FITM2: variants seen among roughly 807,000 people sequenced by gnomAD.
FITM2 encodes the protein acyl-coenzyme A diphosphatase FITM2.
Under a neutral mutation model 23.3 loss-of-function variants are expected in FITM2, and 16 were observed. The observed-to-expected ratio is 0.69, with a 90% confidence interval of 0.47 to 1.05. FITM2 has a LOEUF of 1.05. Ranked by LOEUF, FITM2 falls within the 50% of genes least tolerant of loss-of-function variation. FITM2 has a pLI of 0.00. For synonymous variants in FITM2, 132 were observed against 142.0 expected (o/e 0.93, Z 0.50); for missense variants, 273 against 327.5 (o/e 0.83, Z 1.29).
In FITM2 at chr20:44,306,980, C is replaced by G; in HGVS notation, c.434G>C (p.Gly145Ala). The G allele has an allele frequency of 6.2e-7, 1 of 1,614,198 alleles. No individual in the cohort carries two copies. Among genetic ancestry groups the G allele is most frequent in the Non-Finnish European group, 8.5e-7 (1 of 1,180,042 alleles). The change falls in exon 2 of 2, where the codon GGC (glycine) becomes GCC (alanine). Residue 145 changes from glycine to alanine, a missense_variant. Gly to Ala is a moderately conservative substitution (Grantham distance 60). Around this residue, in one of 3 missense-constraint regions of FITM2, gnomAD observed 117 missense variants for 183.3 expected, o/e 0.64. Transcript: ENST00000396825. ...QSKQQCHQEGGFWHGFDISGH... is the reference protein window; with the variant it reads ...QSKQQCHQEGAFWHGFDISGH... ...TGAGATGTCAAAGCCATGCCAAAAG[C>G]CCCCTTCCTGGTGGCACTGCTGCTT...
At chr20:44,309,922 G>C (rs2062700431) in intron 1 of FITM2, among the ~76,000 whole-genome samples, 1 of 152,190 alleles carries the variant, frequency 6.6e-6, no homozygotes, top group African/African-American at 2.4e-5. Flanking sequence ...TCTATTCTTA[G>C]CCCAGCCTCT....
intron 1 of FITM2, among the ~76,000 whole-genome samples, chr20:44,308,113 AAAC>A (rs1490590035): frequency 6.6e-6 from 1 of 152,094 alleles, no homozygotes; most frequent in African/African-American, 2.4e-5. Flanking sequence ...AAACGAAAAA[AAAC>A]AACTCTATGA....
chr20:44,309,185 A>T (rs2062698615), intron 1 of FITM2, among the ~76,000 whole-genome samples: 3 of 149,818 alleles, frequency 2.0e-5, no homozygotes, highest in African/African-American at 7.4e-5. Context: ...ATTTTTATTT[A>T]TTTATTTATT....
intron 1 of FITM2, among the ~76,000 whole-genome samples, chr20:44,309,032 C>T (rs2062698119): frequency 6.6e-6 from 1 of 151,038 alleles, no homozygotes; most frequent in Admixed American, 6.6e-5. Flanking sequence ...AGTTTTCACT[C>T]TTATTACCCA....
At position 44,308,074 on chromosome 20, in the gene FITM2, G is replaced by C. The variant is rs923902910; in HGVS notation, c.174-834C>G. Among the ~76,000 whole-genome samples the C allele has an allele frequency of 5.3e-5, 8 of 151,676 alleles. No individual in the cohort carries two copies. In the South Asian group the frequency reaches 1.3e-3, roughly 24 times the overall value. ...TGCACTCCAGCCTGGGCGATAGAGC[G>C]AGACTCCATCTCAAAAACAAAACAA... is the stretch of plus-strand genomic sequence containing the variant. On this transcript the variant is annotated intron_variant, in intron 1 of 1. Coordinates refer to ENST00000396825, the MANE Select transcript of FITM2 (RefSeq NM_001080472.4).
At chr20:44,307,883 C>T (rs376859062) in intron 1 of FITM2, among the ~76,000 whole-genome samples, 2 of 151,856 alleles carry the variant, frequency 1.3e-5, no homozygotes, top group African/African-American at 2.4e-5. Flanking sequence ...GTCAGGAGAT[C>T]GAGACCATCC....
intron 1 of FITM2, among the ~76,000 whole-genome samples, chr20:44,307,580 C>T (rs1012337377): frequency 2.0e-5 from 3 of 151,846 alleles, no homozygotes; most frequent in African/African-American, 4.8e-5. Flanking sequence ...TGCGCATCAC[C>T]CCGCCTGGCT....
chr20:44,307,814 G>A (rs1025379920), intron 1 of FITM2, among the ~76,000 whole-genome samples: 7 of 151,954 alleles, frequency 4.6e-5, no homozygotes, highest in South Asian at 2.1e-4. Flanking sequence ...TTGGCCGGGC[G>A]CGGTGGCTCA....
At position 44,310,966 on chromosome 20, in the gene FITM2, G is replaced by T. The variant is rs1257368046; in HGVS notation, c.173+10C>A. 6.5e-7 allele frequency: 1 copy of T among 1,543,176 alleles called. No homozygotes were observed. Among genetic ancestry groups the T allele is most frequent in the Non-Finnish European group, 8.8e-7 (1 of 1,142,528 alleles). The stretch of plus-strand genomic sequence containing the variant: ...CGGGCGGGGACAGCGGAGGACCGGG[G>T]TGCACTCACACGTTGAGGACGTTGC... On this transcript the variant is annotated intron_variant, in intron 1 of 1. Coordinates refer to ENST00000396825, the MANE Select transcript of FITM2 (RefSeq NM_001080472.4).
In FITM2 at chr20:44,311,127, C is replaced by T. The variant is rs142368699; in HGVS notation, c.22G>A (p.Glu8Lys). Reference protein sequence around the residue: MEHLERCEWLLRGTLVRA... With the variant: MEHLERCKWLLRGTLVRA... The stretch of plus-strand genomic sequence containing the variant: ...ACCAGCGTCCCCCGCAACAACCACT[C>T]GCAGCGCTCCAGATGCTCCATGCCG... The change falls in exon 1 of 2, where the codon GAG becomes AAG. Residue 8 changes from glutamate to lysine, a missense_variant. By Grantham distance (56) the Glu-to-Lys change is moderately conservative. Coordinates refer to ENST00000396825, the MANE Select transcript of FITM2 (RefSeq NM_001080472.4). The T allele has an allele frequency of 6.2e-7, 1 of 1,612,824 alleles. No individual in the cohort carries two copies. Among genetic ancestry groups the T allele is most frequent in the Non-Finnish European group, 8.5e-7 (1 of 1,179,468 alleles).
rs765962630 is a variant in FITM2 at position 44,307,211 on chromosome 20, G to A, written c.203C>T (p.Thr68Met). The A allele has an allele frequency of 3.1e-6, 5 of 1,614,138 alleles. No homozygotes were observed. The highest frequency in any genetic ancestry group is 3.4e-6 in the Non-Finnish European group (4 of 1,179,998). Residue 68 changes from threonine to methionine, a missense_variant, in exon 2 of 2, where the codon ACG (threonine) becomes ATG (methionine). Around this residue, in one of 3 missense-constraint regions of FITM2, gnomAD observed 123 missense variants for 117.9 expected, o/e 1.04. Coordinates refer to ENST00000396825, the MANE Select transcript of FITM2 (RefSeq NM_001080472.4). Reference sequence around the variant, plus strand: ...AATGAAAGGCAGAAGGAGACAGAACGTCCAGGCCCAGGCCACTTTGACAAA... The same window carrying A: ...AATGAAAGGCAGAAGGAGACAGAACATCCAGGCCCAGGCCACTTTGACAAA... ...VYFVKVAWAW[T>M]FCLLLPFIAL...
intron 1 of FITM2, among the ~76,000 whole-genome samples, chr20:44,309,736 T>C (rs1378049188): frequency 6.6e-6 from 1 of 152,052 alleles, no homozygotes; most frequent in African/African-American, 2.4e-5. Flanking sequence ...GGAACAAAAC[T>C]CCAGGATCCA....
Position 44,311,114 on chromosome 20 carries a change from C to G in FITM2, c.35G>C (p.Arg12Pro), listed in dbSNP as rs1186411245. Reference protein sequence around the residue: ...EHLERCEWLLRGTLVRAAVRR... With the variant: ...EHLERCEWLLPGTLVRAAVRR... ...CACGGCCGCCCGCACCAGCGTCCCC[C>G]GCAACAACCACTCGCAGCGCTCCAG... The change falls in exon 1 of 2, where the codon CGG becomes CCG. Residue 12 changes from arginine (R) to proline (P), a missense_variant. Physicochemically the swap from Arg to Pro is moderately radical, Grantham distance 103. Transcript: ENST00000396825. 1.2e-6 allele frequency: 2 copies of G among 1,612,970 alleles called. No individual in the cohort carries two copies. Among genetic ancestry groups the G allele is most frequent in the South Asian group, 2.2e-5 (2 of 90,986 alleles).
Position 44,306,526 on chromosome 20 carries a change from C to G in FITM2, c.*99G>C. ...ACCAAAACTGCCTGGTACACTTTCC[C>G]TCTGAAGTAGGATCAATAATTTAGC... On this transcript the variant is annotated 3_prime_UTR_variant, in exon 2 of 2. Coordinates refer to ENST00000396825, the MANE Select transcript of FITM2 (RefSeq NM_001080472.4). 6.6e-7 allele frequency: 1 copy of G among 1,506,062 alleles called. No homozygotes were observed. The highest frequency in any genetic ancestry group is 8.9e-7 in the Non-Finnish European group (1 of 1,126,078). 93.3% of individuals were successfully genotyped at this position (1,506,062 alleles called of 1,614,324 possible). A position where few individuals can be genotyped will look rare whatever the true frequency, so the allele number is the denominator to read the frequency against.
rs2062685313 is a variant in FITM2 at position 44,304,793 on chromosome 20, G to C, written c.*1832C>G. ...AGTCTATACCACTGATATGTGGTCA[G>C]GGACATTTCGGTGCAAGAACGCATT... On this transcript the variant is annotated 3_prime_UTR_variant, in exon 2 of 2. Transcript: ENST00000396825. 6.6e-6 allele frequency: 1 copy of C among 152,212 alleles called. No individual in the cohort carries two copies. The highest frequency in any genetic ancestry group is 6.5e-5 in the Admixed American group (1 of 15,272). 9.4% of individuals were successfully genotyped at this position (152,212 alleles called of 1,614,324 possible). A position where few individuals can be genotyped will look rare whatever the true frequency, so the allele number is the denominator to read the frequency against.
intron 1 of FITM2, among the ~76,000 whole-genome samples, chr20:44,310,711 C>A (rs1254721073): frequency 6.6e-6 from 1 of 152,202 alleles, no homozygotes; most frequent in African/African-American, 2.4e-5. Flanking sequence ...CCTACATATA[C>A]AGAGACACAC....
rs1249391937 is a variant in FITM2 at position 44,311,032 on chromosome 20, C to T, written c.117G>A (p.Lys39=). 6.3e-7 allele frequency: 1 copy of T among 1,592,058 alleles called. No individual in the cohort carries two copies. Among genetic ancestry groups the T allele is most frequent in the East Asian group, 2.3e-5 (1 of 42,960 alleles). ...VASMLAGSLL[K]ELSPLPESYL... Reference sequence around the variant, plus strand: ...AGCTCTCGGGCAACGGGGACAACTCCTTGAGGAGGGAGCCCGCCAGCATGG... The same window carrying T: ...AGCTCTCGGGCAACGGGGACAACTCTTTGAGGAGGGAGCCCGCCAGCATGG... Residue 39 remains lysine (K), a synonymous_variant, in exon 1 of 2, where the codon AAG becomes AAA. Transcript: ENST00000396825.
chr20:44,305,141 CA>C lies in FITM2; in HGVS notation c.*1483del, dbSNP rs2062686142. On this transcript the variant is annotated 3_prime_UTR_variant, in exon 2 of 2. Transcript: ENST00000396825. The stretch of plus-strand genomic sequence containing the variant: ...TAAACCAACCAACCAATCAACCAGC[CA>C]ACCAACCAACCAACAAACCCTCAAA... 2 of 152,166 alleles carry C rather than the reference CA, an allele frequency of 1.3e-5. No individual in the cohort carries two copies. Among genetic ancestry groups the C allele is most frequent in the Admixed American group, 1.3e-4 (2 of 15,270 alleles). The allele number at this position is 152,166 out of a possible 1,614,324, so 9.4% of individuals were successfully genotyped here. A position where few individuals can be genotyped will look rare whatever the true frequency, so the allele number is the denominator to read the frequency against.
At position 44,303,490 on chromosome 20, in the gene FITM2, C is replaced by T. The variant is rs1441173026; in HGVS notation, c.*3135G>A. The T allele has an allele frequency of 6.6e-6, 1 of 152,214 alleles. No individual in the cohort carries two copies. Among genetic ancestry groups the T allele is most frequent in the Non-Finnish European group, 1.5e-5 (1 of 68,038 alleles). 9.4% of individuals were successfully genotyped at this position (152,214 alleles called of 1,614,324 possible). On this transcript the variant is annotated 3_prime_UTR_variant, in exon 2 of 2. Coordinates refer to ENST00000396825, the MANE Select transcript of FITM2 (RefSeq NM_001080472.4). ...CAGAAGGCTCTGCAATTGACACTTT[C>T]CACATACAGTTAATTTAGTGCTGAG...
Sources: allele counts gnomAD v4.1 joint callset (sites outside exome capture counted in the v4.1 genomes callset), GRCh38; gene constraint gnomAD v4.1.1; regional missense constraint gnomAD v4.1.1; transcripts MANE v1.5; gene names NCBI Gene and HGNC (gene_info 2026-07-23, HGNC 2026-07-21).